Variants in ANK1 observed in about 807,000 individuals in gnomAD.
ANK1 encodes ankyrin-1.
In ANK1, 51 loss-of-function variants were observed where a neutral mutation model predicts 210.4. The ratio of observed to expected loss-of-function variants is 0.24; its 90% CI spans 0.19 to 0.31. ANK1 has a LOEUF of 0.31. ANK1 is among the 10% of genes least tolerant of loss of function. ANK1 has a pLI of 1.00. For synonymous variants in ANK1, 967 were observed against 1,025.9 expected, an observed-to-expected ratio of 0.94 and a Z score of 1.10; for missense variants, 2,051 against 2,504.4, an observed-to-expected ratio of 0.82 and a Z score of 3.86.
At chr8:41,852,254 T>C (rs572582229) in intron 1 of ANK1, among the ~76,000 whole-genome samples, 182 of 152,246 alleles carry the variant, frequency 1.2e-3, no homozygotes, top group African/African-American at 4.0e-3. Context: ...TCAGGGGCCC[T>C]TAGCCATGGA....
At chr8:41,726,038 C>T (rs1830621216) in intron 5 of ANK1, 92 bp from the exon 6 acceptor site, 1 of 1,422,866 alleles carries the variant, frequency 7.0e-7, no homozygotes, top group Non-Finnish European at 9.6e-7. Flanking sequence ...GCTTATGCTC[C>T]CAGCAGCCCC....
chr8:41,854,641 T>C (rs1377370911), intron 1 of ANK1, among the ~76,000 whole-genome samples: 1 of 152,054 alleles, frequency 6.6e-6, no homozygotes, highest in Non-Finnish European at 1.5e-5. Context: ...ATGGGAGTAT[T>C]TGTAAAATGC....
In ANK1 at chr8:41,672,643, C is replaced by T. The variant is rs1337935670; in HGVS notation, c.4807G>A (p.Glu1603Lys). Residue 1603 changes from glutamate (E) to lysine (K), a missense_variant, in exon 38 of 43, where the codon GAG (glutamate) becomes AAG (lysine). Coordinates refer to ENST00000289734, the MANE Select transcript of ANK1 (RefSeq NM_000037.4). ...SDATGHEWKL[E>K]GALSEEPRGP... is the part of the protein sequence containing the mutation. ...CGCGGTTCCTCTGAGAGTGCCCCCT[C>T]CAACTTCCACTCGTGACCTGTGGCA... 10 of 1,614,128 alleles carry T rather than the reference C, an allele frequency of 6.2e-6. No homozygotes were observed. The highest frequency in any genetic ancestry group is 1.6e-4 in the Middle Eastern group (1 of 6,084).
intron 1 of ANK1, among the ~76,000 whole-genome samples, chr8:41,777,185 A>C (rs1222396663): frequency 6.6e-6 from 1 of 152,200 alleles, no homozygotes; most frequent in Non-Finnish European, 1.5e-5. Flanking sequence ...TCCCAGGGGA[A>C]TCCTAAGGTA....
Position 41,653,375 on chromosome 8 carries a change from A to G in ANK1, c.*2415T>C, listed in dbSNP as rs976354416. The G allele has an allele frequency of 6.5e-6, 1 of 152,700 alleles. No individual in the cohort carries two copies. The allele number at this position is 152,700 out of a possible 1,614,324, so 9.5% of individuals were successfully genotyped here. On this transcript the variant is annotated 3_prime_UTR_variant, in exon 43 of 43. Transcript: ENST00000289734. ...GATCCATTTTCATAACAATTAAAAA[A>G]ATCAAGGTAATTTCAAAACTTCTAA...
intron 1 of ANK1, among the ~76,000 whole-genome samples, chr8:41,761,252 C>T (rs1425715769): frequency 6.6e-6 from 1 of 151,806 alleles, no homozygotes; most frequent in Non-Finnish European, 1.5e-5. Flanking sequence ...CACATACACA[C>T]CCATACACAG....
intron 1 of ANK1, among the ~76,000 whole-genome samples, chr8:41,802,963 G>A (rs1222092635): frequency 2.8e-5 from 3 of 108,270 alleles, no homozygotes; most frequent in African/African-American, 1.0e-4. Context: ...GGGGGGGAGA[G>A]AGAGAGAGAT....
intron 1 of ANK1, among the ~76,000 whole-genome samples, chr8:41,844,405 A>G (rs1240435499): frequency 1.3e-5 from 2 of 152,096 alleles, no homozygotes; most frequent in African/African-American, 4.8e-5. Context: ...CCCAGGACAA[A>G]CAAGTAGAGA....
chr8:41,848,500 G>A (rs909628665), intron 1 of ANK1, among the ~76,000 whole-genome samples: 2 of 152,216 alleles, frequency 1.3e-5, no homozygotes, highest in Admixed American at 6.5e-5. Flanking sequence ...CAGGACTGAC[G>A]TTGCTGATGC....
At chr8:41,792,057 C>A (rs975307472) in intron 1 of ANK1, among the ~76,000 whole-genome samples, 3 of 152,210 alleles carry the variant, frequency 2.0e-5, no homozygotes, top group Non-Finnish European at 4.4e-5. Context: ...TCAGCCGGGC[C>A]CATTAGCAGC....
rs562861481 is a variant in ANK1 at position 41,850,106 on chromosome 8, T to A, written c.126+46249A>T. On this transcript the variant is annotated intron_variant, in intron 1 of 42. Transcript: ENST00000265709. ...ACCAGGCTCAGCACGCTTCGTGAAG[T>A]CACTCGCTTCACCCTTTATAAGATA... 2.0e-5 allele frequency among the ~76,000 whole-genome samples: 3 copies of A among 152,284 alleles called. No homozygotes were observed. The South Asian group carries it at 6.2e-4, about 32-fold the overall frequency.
intron 42 of ANK1, among the ~76,000 whole-genome samples, chr8:41,657,960 C>T (rs1381095596): frequency 3.9e-5 from 6 of 152,244 alleles, no homozygotes; most frequent in Admixed American, 2.0e-4. Context: ...TAGCTCACTG[C>T]AGCCTTGAAC....
intron 1 of ANK1, among the ~76,000 whole-genome samples, chr8:41,852,433 C>T (rs922495394): frequency 1.3e-5 from 2 of 152,184 alleles, no homozygotes; most frequent in African/African-American, 4.8e-5. Flanking sequence ...TGCTGATGAC[C>T]CGGGCACCTC....
chr8:41,697,310 C>T lies in ANK1; in HGVS notation c.2638-537G>A, dbSNP rs533495782. On this transcript the variant is annotated intron_variant, in intron 24 of 42. Transcript: ENST00000289734. Reference sequence around the variant, plus strand: ...GCAACGGGAACTTGCCTTAGGGTAACGCTGCAACTACAGGGATGCCAGGCT... The same window carrying T: ...GCAACGGGAACTTGCCTTAGGGTAATGCTGCAACTACAGGGATGCCAGGCT... Among the ~76,000 whole-genome samples the T allele has an allele frequency of 7.9e-5, 12 of 152,282 alleles. No homozygotes were observed. The East Asian group carries it at 1.2e-3, about 15-fold the overall frequency.
chr8:41,698,194 C>T (rs1325900694), intron 23 of ANK1, 73 bp from the exon 24 acceptor site: 2 of 1,498,974 alleles, frequency 1.3e-6, no homozygotes, highest in Admixed American at 1.7e-5. Context: ...CTCTTGCCTC[C>T]AAGCCTCTCC....
In ANK1 at chr8:41,725,935, C is replaced by G. The variant is rs773123145; in HGVS notation, c.438G>C (p.Thr146=). ...CCTGCTGCAGGGCTACCGCCAGAGG[C>G]GTGAAGCCGTCCTGGCCAGAGGAGG... ...NQNVATEDGF[T]PLAVALQQGH... is the part of the protein sequence containing the mutation. The change falls in exon 6 of 43, where the codon ACG becomes ACC. Residue 146 remains threonine, a synonymous_variant. Transcript: ENST00000289734. 1 of 1,613,540 alleles carries G rather than the reference C, an allele frequency of 6.2e-7. No individual in the cohort carries two copies. The highest frequency in any genetic ancestry group is 1.1e-5 in the South Asian group (1 of 91,018).
intron 1 of ANK1, chr8:41,828,024 A>G (rs1231111828): frequency 7.8e-6 from 1 of 127,474 alleles, no homozygotes; most frequent in Non-Finnish European, 1.6e-5. Flanking sequence ...GGAAGCCCCC[A>G]CTGTTTGCAA....
chr8:41,877,693 G>A (rs923053606), intron 1 of ANK1, among the ~76,000 whole-genome samples: 3 of 152,344 alleles, frequency 2.0e-5, no homozygotes, highest in Admixed American at 6.5e-5. Flanking sequence ...AAAATGATGC[G>A]ATAGAGCAGG....
intron 1 of ANK1, among the ~76,000 whole-genome samples, chr8:41,822,144 AAGAAAG>A (rs1478777718): frequency 0.054 from 7,310 of 135,366 alleles, 272 homozygotes; most frequent in Middle Eastern, 0.12. Flanking sequence ...GAAAGAAAGA[AAGAAAG>A]AAAGAAAGAA....
Sources: allele counts gnomAD v4.1 joint callset (sites outside exome capture counted in the v4.1 genomes callset), GRCh38; gene constraint gnomAD v4.1.1; transcripts MANE v1.5; gene names NCBI Gene and HGNC (gene_info 2026-07-23, HGNC 2026-07-21).